B3GALT1: variants seen among roughly 807,000 people sequenced by gnomAD.
The protein encoded by B3GALT1 is beta-1,3-galactosyltransferase 1.
A neutral mutation model predicts 23.2 loss-of-function variants in B3GALT1; 10 were observed. The observed-to-expected ratio is 0.43, with a 90% CI of 0.27 to 0.73. The LOEUF is 0.73. B3GALT1 is among the 30% of genes least tolerant of loss of function. The pLI is 0.21. For synonymous variants in B3GALT1, 156 were observed against 141.5 expected, an observed-to-expected ratio of 1.10 and a Z score of -0.73; for missense variants, 299 against 405.4, an observed-to-expected ratio of 0.74 and a Z score of 2.25.
chr2:167,670,028 G>C (rs1294097622), intron 3 of B3GALT1, among the ~76,000 whole-genome samples: 1 of 152,190 alleles, frequency 6.6e-6, no homozygotes, highest in African/African-American at 2.4e-5. Flanking sequence ...AAAAATCTCA[G>C]AGGATACATC....
At chr2:167,520,800 G>C (rs1475625930) in intron 2 of B3GALT1, among the ~76,000 whole-genome samples, 1 of 152,160 alleles carries the variant, frequency 6.6e-6, no homozygotes, top group Non-Finnish European at 1.5e-5. Flanking sequence ...TGAAATCTCT[G>C]CTCACATCTG....
At chr2:167,372,429 A>AATCATCTAAT (rs1697700781) in intron 1 of B3GALT1, among the ~76,000 whole-genome samples, 1 of 152,114 alleles carries the variant, frequency 6.6e-6, no homozygotes, top group Non-Finnish European at 1.5e-5. Context: ...TGATTTTCCT[A>AATCATCTAAT]AGATTGGAGA....
intron 2 of B3GALT1, among the ~76,000 whole-genome samples, chr2:167,538,244 C>G (rs1233602608): frequency 1.3e-5 from 2 of 152,124 alleles, no homozygotes; most frequent in Admixed American, 1.3e-4. Context: ...TACTAGAAAA[C>G]AAACAAGCAA....
At position 167,570,767 on chromosome 2, in the gene B3GALT1, A is replaced by G. The variant is rs572250204; in HGVS notation, c.-409-76142A>G. ...CTATTGTTTTACCACCCCCCAATTT[A>G]AACAGTGTTCTGAAAACAAGGGGTT... On this transcript the variant is annotated intron_variant, in intron 2 of 4. Coordinates refer to ENST00000392690, the MANE Select transcript of B3GALT1 (RefSeq NM_020981.4). 3.3e-5 allele frequency among the ~76,000 whole-genome samples: 5 copies of G among 152,000 alleles called. No homozygotes were observed. The East Asian group carries it at 5.8e-4, about 18-fold the overall frequency.
chr2:167,490,669 C>G (rs558650896), intron 2 of B3GALT1, among the ~76,000 whole-genome samples: 166 of 152,254 alleles, frequency 1.1e-3, no homozygotes, highest in Non-Finnish European at 2.0e-3. Flanking sequence ...CTGAGCAGCT[C>G]CAGGGCTGAA....
intron 2 of B3GALT1, among the ~76,000 whole-genome samples, chr2:167,544,512 G>A (rs984502810): frequency 6.6e-6 from 1 of 152,062 alleles, no homozygotes; most frequent in Non-Finnish European, 1.5e-5. Context: ...GGCCAGGCTG[G>A]TCTCAAACTC....
At chr2:167,580,639 C>T (rs1347763438) in intron 2 of B3GALT1, among the ~76,000 whole-genome samples, 2 of 152,068 alleles carry the variant, frequency 1.3e-5, no homozygotes, top group Admixed American at 6.5e-5. Flanking sequence ...TATCAATAAG[C>T]TTTTGGAAAT....
chr2:167,448,118 C>A (rs1399384863), intron 1 of B3GALT1, among the ~76,000 whole-genome samples: 1 of 152,114 alleles, frequency 6.6e-6, no homozygotes, highest in African/African-American at 2.4e-5. Context: ...ATAATGACTT[C>A]TTTCCTCTGG....
At chr2:167,524,931 T>C (rs1227112) in intron 2 of B3GALT1, among the ~76,000 whole-genome samples, 3,170 of 152,314 alleles carry the variant, frequency 0.021, 112 homozygotes, top group African/African-American at 0.072. Flanking sequence ...TGGGTAGACA[T>C]GCTTTAGTCC....
chr2:167,782,384 C>T (rs910921079), intron 3 of B3GALT1, among the ~76,000 whole-genome samples: 15 of 152,192 alleles, frequency 9.9e-5, no homozygotes, highest in African/African-American at 3.1e-4. Context: ...ATGTGGGGAA[C>T]TCTTAAGGCC....
intron 4 of B3GALT1, among the ~76,000 whole-genome samples, chr2:167,866,790 T>G (rs534678776): frequency 6.6e-6 from 1 of 152,264 alleles, no homozygotes; most frequent in South Asian, 2.1e-4. Flanking sequence ...CAGAGCAATA[T>G]AATGACAAAA....
intron 1 of B3GALT1, among the ~76,000 whole-genome samples, chr2:167,474,909 A>T (rs1699468488): frequency 1.3e-5 from 2 of 152,170 alleles, no homozygotes; most frequent in Admixed American, 1.3e-4. Flanking sequence ...TTCAGATATA[A>T]TTACTGGGTG....
chr2:167,512,561 T>TAC, intron 2 of B3GALT1, among the ~76,000 whole-genome samples: 1 of 99,260 alleles, frequency 1.0e-5, no homozygotes, highest in African/African-American at 4.2e-5. Context: ...TATATGTATA[T>TAC]ATATATGTAT....
At chr2:167,805,814 CT>C (rs1291583378) in intron 3 of B3GALT1, among the ~76,000 whole-genome samples, 1 of 152,140 alleles carries the variant, frequency 6.6e-6, no homozygotes, top group Non-Finnish European at 1.5e-5. Flanking sequence ...AATGCAGGCT[CT>C]TTTTTGGTTC....
intron 4 of B3GALT1, among the ~76,000 whole-genome samples, chr2:167,839,975 T>G (rs1374656892): frequency 6.6e-6 from 1 of 152,038 alleles, no homozygotes; most frequent in African/African-American, 2.4e-5. Flanking sequence ...TGGCTAGCCA[T>G]ATGTAGAAAG....
At chr2:167,665,813 T>C (rs1404073657) in intron 3 of B3GALT1, among the ~76,000 whole-genome samples, 2 of 152,112 alleles carry the variant, frequency 1.3e-5, no homozygotes, top group Non-Finnish European at 1.5e-5. Flanking sequence ...GGTGATATCC[T>C]CTTTATCATT....
intron 3 of B3GALT1, among the ~76,000 whole-genome samples, chr2:167,718,219 G>C (rs1204339408): frequency 6.6e-6 from 1 of 152,002 alleles, no homozygotes; most frequent in African/African-American, 2.4e-5. Context: ...TTCTCTTCTT[G>C]CAAGAGTTGT....
chr2:167,318,533 G>GAA (rs141670651), intron 1 of B3GALT1, among the ~76,000 whole-genome samples: 1 of 149,842 alleles, frequency 6.7e-6, no homozygotes, highest in Admixed American at 6.6e-5. Context: ...AGGAGGGAAG[G>GAA]AAAAAAAAAT....
At chr2:167,849,782 C>T (rs1689837861) in intron 4 of B3GALT1, among the ~76,000 whole-genome samples, 3 of 150,054 alleles carry the variant, frequency 2.0e-5, no homozygotes, top group Admixed American at 6.7e-5. Flanking sequence ...CCCAGCTACT[C>T]GGGAGGCTGA....
Sources: gnomAD v4.1 joint callset for allele counts (sites outside exome capture counted in the v4.1 genomes callset) on GRCh38, gnomAD v4.1.1 for gene constraint, MANE v1.5 for transcripts, NCBI Gene and HGNC (gene_info 2026-07-23, HGNC 2026-07-21) for gene names.